The following BNC2 variants were observed in gnomAD, a reference collection of about 807,000 sequenced individuals.
The protein encoded by BNC2 is basonuclin zinc finger protein 2, also known as zinc finger protein basonuclin-2.
In BNC2, 20 loss-of-function variants were observed where a neutral mutation model predicts 76.3. That is an observed-to-expected ratio of 0.26 (90% CI 0.18 to 0.38). The LOEUF (loss-of-function observed/expected upper bound fraction) is 0.38. BNC2 is among the 10% of genes least tolerant of loss of function. The pLI is 1.00. For synonymous variants in BNC2, 582 were observed against 514.8 expected (o/e 1.13, Z -1.77); for missense variants, 1,382 against 1,399.8 (o/e 0.99, Z 0.20).
intron 3 of BNC2, among the ~76,000 whole-genome samples, chr9:16,657,992 C>G (rs546019933): frequency 2.0e-5 from 3 of 152,026 alleles, no homozygotes. Context: ...AAGGAATCAA[C>G]CCCCTAAGTA....
chr9:16,561,680 T>C (rs1819020671), intron 4 of BNC2, among the ~76,000 whole-genome samples: 1 of 152,118 alleles, frequency 6.6e-6, no homozygotes, highest in Non-Finnish European at 1.5e-5. Flanking sequence ...CTCTTCTGAG[T>C]GCTAAAATAA....
chr9:16,737,173 T>C (rs1404022821), intron 2 of BNC2, among the ~76,000 whole-genome samples: 1 of 150,630 alleles, frequency 6.6e-6, no homozygotes, highest in African/African-American at 2.4e-5. Context: ...TGCACAATCA[T>C]AGCTCACTGG....
chr9:16,814,977 C>G (rs1818146790), intron 1 of BNC2, among the ~76,000 whole-genome samples: 1 of 152,028 alleles, frequency 6.6e-6, no homozygotes, highest in Non-Finnish European at 1.5e-5. Context: ...ACCCCCAAAC[C>G]CTCAAAGTAT....
At chr9:16,869,514 G>C (rs775710747) in intron 1 of BNC2, among the ~76,000 whole-genome samples, 3 of 152,130 alleles carry the variant, frequency 2.0e-5, no homozygotes, top group Non-Finnish European at 2.9e-5. Flanking sequence ...TCACATTAGG[G>C]AGCAGGGAAG....
intron 1 of BNC2, among the ~76,000 whole-genome samples, chr9:16,780,080 C>CA (rs1203501453): frequency 4.7e-5 from 7 of 149,462 alleles, no homozygotes; most frequent in South Asian, 2.1e-4. Flanking sequence ...ACTAAAAATA[C>CA]AAAAAATTAG....
At chr9:16,850,504 A>T (rs181105274) in intron 1 of BNC2, among the ~76,000 whole-genome samples, 2 of 152,268 alleles carry the variant, frequency 1.3e-5, no homozygotes, top group Admixed American at 1.3e-4. Flanking sequence ...TATTTCTAGA[A>T]CTCATCATCT....
chr9:16,519,019 G>C (rs913491857), intron 5 of BNC2, among the ~76,000 whole-genome samples: 2 of 152,252 alleles, frequency 1.3e-5, no homozygotes, highest in African/African-American at 4.8e-5. Context: ...GAGAAGAGAA[G>C]GTGTGCTTGC....
intron 4 of BNC2, among the ~76,000 whole-genome samples, chr9:16,554,477 T>C (rs1818760634): frequency 6.6e-6 from 1 of 152,236 alleles, no homozygotes. Flanking sequence ...ACTTCATTTC[T>C]TGCAGCTGAT....
chr9:16,744,286 G>C (rs1272362882), intron 1 of BNC2, among the ~76,000 whole-genome samples: 1 of 152,060 alleles, frequency 6.6e-6, no homozygotes, highest in Non-Finnish European at 1.5e-5. Context: ...CAGTTTTTAA[G>C]GTTGAAAAAT....
At chr9:16,550,521 A>G (rs1183393226) in intron 5 of BNC2, among the ~76,000 whole-genome samples, 1 of 152,254 alleles carries the variant, frequency 6.6e-6, no homozygotes, top group Non-Finnish European at 1.5e-5. Context: ...GCAGAACAAT[A>G]GGACCATAAC....
chr9:16,857,524 C>G (rs1234844888), intron 1 of BNC2, among the ~76,000 whole-genome samples: 1 of 143,820 alleles, frequency 7.0e-6, no homozygotes, highest in Non-Finnish European at 1.5e-5. Flanking sequence ...TTTAAATCCT[C>G]TACAGAATTT....
At chr9:16,498,134 T>C (rs1052751323) in intron 5 of BNC2, among the ~76,000 whole-genome samples, 1 of 122,158 alleles carries the variant, frequency 8.2e-6, no homozygotes, top group African/African-American at 4.0e-5. Flanking sequence ...CTATCATATA[T>C]ATATTCTATC....
At chr9:16,563,995 A>G (rs889088831) in intron 4 of BNC2, among the ~76,000 whole-genome samples, 3 of 150,806 alleles carry the variant, frequency 2.0e-5, no homozygotes, top group African/African-American at 7.5e-5. Context: ...ATTAATTTTC[A>G]TTGTAGGCAT....
At chr9:16,758,984 T>A (rs1350633480) in intron 1 of BNC2, among the ~76,000 whole-genome samples, 1 of 152,228 alleles carries the variant, frequency 6.6e-6, no homozygotes, top group African/African-American at 2.4e-5. Context: ...CATGTTTTTG[T>A]TATAAACACA....
chr9:16,677,483 G>T lies in BNC2; in HGVS notation c.330+50314C>A, dbSNP rs190523945. On this transcript the variant is annotated intron_variant, in intron 3 of 6. Transcript: ENST00000380672. ...AGCTACTCGGGAGGCTGAGGCAGGA[G>T]AATTGCTTGGACCTCGGAGGTGGAG... 2.0e-5 allele frequency among the ~76,000 whole-genome samples: 3 copies of T among 152,104 alleles called. No homozygotes were observed. In the East Asian group the frequency reaches 5.8e-4, roughly 30 times the overall value.
chr9:16,434,955 C>A (rs1820975302), intron 6 of BNC2: 13 of 470,546 alleles, frequency 2.8e-5, no homozygotes, highest in Non-Finnish European at 5.3e-5. Context: ...CCATTTCCTT[C>A]TGATATTTTC....
intron 1 of BNC2, among the ~76,000 whole-genome samples, chr9:16,785,687 C>A (rs1826272144): frequency 6.6e-6 from 1 of 151,378 alleles, no homozygotes; most frequent in African/African-American, 2.4e-5. Context: ...CCACGCCCAG[C>A]CTATGTATTT....
intron 3 of BNC2, among the ~76,000 whole-genome samples, chr9:16,675,203 C>G (rs1822602103): frequency 6.6e-6 from 1 of 152,070 alleles, no homozygotes; most frequent in South Asian, 2.1e-4. Context: ...ATATTTACAT[C>G]CTTTATTTAA....
intron 4 of BNC2, among the ~76,000 whole-genome samples, chr9:16,555,740 T>A (rs1187527248): frequency 6.6e-6 from 1 of 152,000 alleles, no homozygotes; most frequent in Non-Finnish European, 1.5e-5. Context: ...CAGGCTGCAG[T>A]GAGCCATGAT....
Sources: allele counts gnomAD v4.1 joint callset (sites outside exome capture counted in the v4.1 genomes callset), GRCh38; gene constraint gnomAD v4.1.1; transcripts MANE v1.5; gene names NCBI Gene and HGNC (gene_info 2026-07-23, HGNC 2026-07-21).